PAX8: variants seen among roughly 807,000 people sequenced by gnomAD.
PAX8 encodes paired box 8, also known as paired box protein Pax-8.
Under a neutral mutation model 52.4 loss-of-function variants are expected in PAX8, and 15 were observed. The observed-to-expected ratio is 0.29, with a 90% confidence interval of 0.19 to 0.44. PAX8 has a LOEUF of 0.44. PAX8 is among the 20% of genes least tolerant of loss of function. The probability of loss-of-function intolerance (pLI) is 1.00; values close to 1 mark genes in which losing one functional copy is unlikely to be tolerated. For synonymous variants in PAX8, 284 were observed against 249.7 expected, an observed-to-expected ratio of 1.14 and a Z score of -1.29; for missense variants, 554 against 602.5, an observed-to-expected ratio of 0.92 and a Z score of 0.84.
In PAX8 at chr2:113,228,803, C is replaced by G. The variant is rs115610753; in HGVS notation, c.1088-1547G>C. On this transcript the variant is annotated intron_variant, in intron 9 of 11. Coordinates refer to ENST00000429538, the MANE Select transcript of PAX8 (RefSeq NM_003466.4). ...CTTGTCCAACTATCCACCCATCAGTCCCCCCCAGGTCCTTCATACCTCAGC... is the reference window on the plus strand; with the variant it reads ...CTTGTCCAACTATCCACCCATCAGTGCCCCCCAGGTCCTTCATACCTCAGC... Among the ~76,000 whole-genome samples the G allele has an allele frequency of 2.1e-3, 312 of 152,150 alleles. 7 individuals carry two copies. The highest frequency in any genetic ancestry group is 7.0e-3 in the African/African-American group (291 of 41,506).
At chr2:113,268,404 G>C (rs1430221468) in intron 2 of PAX8, 1 of 152,312 alleles carries the variant, frequency 6.6e-6, no homozygotes, top group East Asian at 1.9e-4. Context: ...CAGGGTCGGG[G>C]CATACCTCTC....
chr2:113,277,950 G>T (rs1693942275), intron 2 of PAX8, among the ~76,000 whole-genome samples: 1 of 141,034 alleles, frequency 7.1e-6, no homozygotes, highest in South Asian at 2.8e-4. Context: ...GGGAGTCACT[G>T]GGAAGGACTG....
intron 2 of PAX8, among the ~76,000 whole-genome samples, chr2:113,258,055 G>A (rs1692387000): frequency 1.3e-5 from 2 of 152,118 alleles, no homozygotes; most frequent in Non-Finnish European, 1.5e-5. Flanking sequence ...CGCCACCCCT[G>A]GCAGCAGCAC....
chr2:113,235,614 G>A lies in PAX8; in HGVS notation c.899-32C>T, dbSNP rs778287410. 7.6e-6 allele frequency: 12 copies of A among 1,572,820 alleles called. No homozygotes were observed. The East Asian group carries it at 1.1e-4, about 15-fold the overall frequency. ...GAGGGAGGGAGACAACAAGGAGAGA[G>A]GGGTGTGAGATGGCGGGGAGGGAAC... On this transcript the variant is annotated intron_variant, in intron 8 of 11. Transcript: ENST00000429538.
intron 9 of PAX8, among the ~76,000 whole-genome samples, chr2:113,234,104 C>T (rs141356390): frequency 1.3e-5 from 2 of 152,248 alleles, no homozygotes; most frequent in African/African-American, 2.4e-5. Context: ...AGAGATTCCT[C>T]CAATGCTGAA....
chr2:113,226,082 G>C, intron 10 of PAX8: 1 of 985,754 alleles, frequency 1.0e-6, no homozygotes, highest in Non-Finnish European at 1.2e-6. Flanking sequence ...AGGGAGCACA[G>C]AGCATTTCTC....
chr2:113,235,671 T>C (rs895266697), intron 8 of PAX8, 89 bp from the exon 9 acceptor site: 1 of 1,129,172 alleles, frequency 8.9e-7, no homozygotes, highest in Non-Finnish European at 1.3e-6. Context: ...ATGTGGAGGG[T>C]GCGGGCGGGG....
At chr2:113,248,036 A>C (rs1364055244) in intron 2 of PAX8, among the ~76,000 whole-genome samples, 1 of 152,166 alleles carries the variant, frequency 6.6e-6, no homozygotes, top group East Asian at 1.9e-4. Flanking sequence ...TGAGGGAGAG[A>C]GGGGAGAAAA....
intron 2 of PAX8, chr2:113,270,474 G>C (rs752641316): frequency 2.0e-5 from 3 of 152,194 alleles, no homozygotes; most frequent in Non-Finnish European, 2.9e-5. Flanking sequence ...TTCTTCTTCT[G>C]CCTGCAGGGC....
intron 5 of PAX8, 121 bp from the exon 6 acceptor site, chr2:113,242,251 C>A: frequency 1.3e-6 from 1 of 745,142 alleles, no homozygotes; most frequent in Non-Finnish European, 2.2e-6. Context: ...GGGAGAGGAG[C>A]AAGGGGTGGG....
chr2:113,219,345 C>T (rs1468299731), intron 11 of PAX8, among the ~76,000 whole-genome samples: 1 of 152,162 alleles, frequency 6.6e-6, no homozygotes, highest in African/African-American at 2.4e-5. Context: ...TTCTGTCTGG[C>T]TCCGGTTTGC....
chr2:113,246,651 C>T, intron 3 of PAX8, 103 bp downstream of exon 3: 1 of 1,337,676 alleles, frequency 7.5e-7, no homozygotes, highest in Non-Finnish European at 1.0e-6. Flanking sequence ...ACATTGGGAG[C>T]AAATCCCCGT....
intron 1 of PAX8, 170 bp from the exon 2 acceptor site, chr2:113,278,639 G>T (rs1231360254): frequency 1.4e-6 from 1 of 692,260 alleles, no homozygotes; most frequent in East Asian, 2.8e-5. Context: ...GGCTTCCCGG[G>T]AGGATCAAGG....
At chr2:113,239,425 G>A (rs1261366938) in intron 7 of PAX8, 1 of 152,296 alleles carries the variant, frequency 6.6e-6, no homozygotes, top group Non-Finnish European at 1.5e-5. Context: ...CTAAGGTCAG[G>A]TATGAATACT....
chr2:113,252,578 C>T (rs1573494542), intron 2 of PAX8, among the ~76,000 whole-genome samples: 1 of 143,218 alleles, frequency 7.0e-6, no homozygotes, highest in Admixed American at 6.9e-5. Flanking sequence ...AAGAGGCTGG[C>T]ATGCTGGAAA....
chr2:113,275,362 G>C (rs1051517380), intron 2 of PAX8: 1 of 152,188 alleles, frequency 6.6e-6, no homozygotes, highest in African/African-American at 2.4e-5. Context: ...ACCTCTTTAT[G>C]TTCCTCAAAG....
chr2:113,272,949 C>A (rs1693563454), intron 2 of PAX8: 1 of 152,210 alleles, frequency 6.6e-6, no homozygotes, highest in African/African-American at 2.4e-5. Flanking sequence ...CAAAACTAAT[C>A]TGCAGTCTTG....
intron 2 of PAX8, among the ~76,000 whole-genome samples, chr2:113,257,199 A>G (rs993725186): frequency 6.6e-6 from 1 of 152,144 alleles, no homozygotes; most frequent in African/African-American, 2.4e-5. Flanking sequence ...CTTAGTAATG[A>G]TAAAAGGGCA....
intron 2 of PAX8, chr2:113,263,561 GCCC>G (rs1692842855): frequency 6.6e-6 from 1 of 152,166 alleles, no homozygotes. Context: ...CTGGCACTTT[GCCC>G]CATTTTATAG....
Sources: allele counts gnomAD v4.1 joint callset (sites outside exome capture counted in the v4.1 genomes callset), GRCh38; gene constraint gnomAD v4.1.1; transcripts MANE v1.5; gene names NCBI Gene and HGNC (gene_info 2026-07-23, HGNC 2026-07-21).